TTF2: variants seen among roughly 807,000 people sequenced by gnomAD.
TTF2 encodes the protein transcription termination factor 2.
A neutral mutation model predicts 142.4 loss-of-function variants in TTF2; 108 were observed. That is an observed-to-expected ratio of 0.76 (90% CI 0.65 to 0.89). TTF2 has a LOEUF of 0.89. Among genes scored for constraint, TTF2 ranks in the 40% least tolerant of loss-of-function variants. TTF2 has a pLI of 0.00. For synonymous variants in TTF2, 483 were observed against 506.2 expected, an observed-to-expected ratio of 0.95 and a Z score of 0.61; for missense variants, 1,327 against 1,379.8, an observed-to-expected ratio of 0.96 and a Z score of 0.61.
intron 18 of TTF2, chr1:117,094,538 C>G: frequency 2.2e-6 from 1 of 462,602 alleles, no homozygotes; most frequent in Non-Finnish European, 4.4e-6. Context: ...GGAGCCTGTT[C>G]GGAAGCTTTA....
Position 117,076,565 on chromosome 1 carries a change from A to C in TTF2, c.1391-76A>C. 7.2e-7 allele frequency: 1 copy of C among 1,398,182 alleles called. No homozygotes were observed. Among genetic ancestry groups the C allele is most frequent in the Non-Finnish European group, 9.8e-7 (1 of 1,021,518 alleles). 86.6% of individuals were successfully genotyped at this position (1,398,182 alleles called of 1,614,324 possible). ...GAATGGTGATGATCCCTCTCTCTTGACCTCACCTCCACACATATGGTCCCT... is the reference window on the plus strand; with the variant it reads ...GAATGGTGATGATCCCTCTCTCTTGCCCTCACCTCCACACATATGGTCCCT... On this transcript the variant is annotated intron_variant, in intron 6 of 22. Transcript: ENST00000369466. This position sits in a 1 kb window ranked among gnomAD's most constrained non-coding sequence, Gnocchi z 4.6.
chr1:117,065,331 G>T (rs1655999509), intron 3 of TTF2, among the ~76,000 whole-genome samples: 1 of 152,194 alleles, frequency 6.6e-6, no homozygotes. Flanking sequence ...AAAAATGTCA[G>T]CTGGGCGCGG....
rs534659038 is a variant in TTF2 at position 117,105,847 on chromosome 1, G to A, written c.*4323G>A. ...CTCTATCAATCCTGTGAGTGATTTA[G>A]CATGGCAATTCATGAACACTGAGTT... On this transcript the variant is annotated 3_prime_UTR_variant, in exon 23 of 23. Transcript: ENST00000369466. The surrounding 1 kb of genome is among the most constrained non-coding windows in gnomAD (Gnocchi z 4.7). The A allele has an allele frequency of 6.6e-6, 1 of 152,300 alleles. No homozygotes were observed. Among genetic ancestry groups the A allele is most frequent in the South Asian group, 2.1e-4 (1 of 4,818 alleles). The allele number at this position is 152,300 out of a possible 1,614,324, so 9.4% of individuals were successfully genotyped here. A position where few individuals can be genotyped will look rare whatever the true frequency, so the allele number is the denominator to read the frequency against.
At chr1:117,095,447 G>A in intron 19 of TTF2, 80 bp downstream of exon 19, 3 of 1,327,576 alleles carry the variant, frequency 2.3e-6, no homozygotes, top group Non-Finnish European at 3.3e-6. Context: ...TATAAATCAA[G>A]GACTGTGAGT....
chr1:117,101,414 T>G lies in TTF2; in HGVS notation c.3379T>G (p.Leu1127Val), dbSNP rs1334021207. ...TGAGGGAACAGTAGAAGAAAAGATC[T>G]TACAGCTCCAAGAAAAAAAGAAAGA... ...VCEGTVEEKI[L>V]QLQEKKKDLA... is the part of the protein sequence containing the mutation. Residue 1127 changes from leucine (L) to valine (V), a missense_variant, in exon 23 of 23, where the codon TTA becomes GTA. Coordinates refer to ENST00000369466, the MANE Select transcript of TTF2 (RefSeq NM_003594.4). This position sits in a 1 kb window ranked among gnomAD's most constrained non-coding sequence, Gnocchi z 5.9. The G allele has an allele frequency of 5.0e-6, 8 of 1,605,884 alleles. No homozygotes were observed. In the East Asian group the frequency reaches 1.8e-4, roughly 36 times the overall value.
Position 117,075,999 on chromosome 1 carries a change from C to G in TTF2, c.1275+140C>G. ...GCATGTTCAGTTTCTGCCTTTTCCC[C>G]TATTTATATTTTCAAGATTGGTAAG... On this transcript the variant is annotated intron_variant, in intron 5 of 22. Coordinates refer to ENST00000369466, the MANE Select transcript of TTF2 (RefSeq NM_003594.4). This position sits in a 1 kb window ranked among gnomAD's most constrained non-coding sequence, Gnocchi z 4.5. The G allele has an allele frequency of 7.3e-7, 1 of 1,370,400 alleles. No homozygotes were observed. Among genetic ancestry groups the G allele is most frequent in the Non-Finnish European group, 9.7e-7 (1 of 1,029,586 alleles). The allele number at this position is 1,370,400 out of a possible 1,614,324, so 84.9% of individuals were successfully genotyped here. A position where few individuals can be genotyped will look rare whatever the true frequency, so the allele number is the denominator to read the frequency against.
rs1164151533 is a variant in TTF2, at chr1:117,093,934, G to A, written c.2976+1033G>A. 2.6e-5 allele frequency among the ~76,000 whole-genome samples: 4 copies of A among 152,174 alleles called. No homozygotes were observed. Among genetic ancestry groups the A allele is most frequent in the Non-Finnish European group, 5.9e-5 (4 of 68,026 alleles). On this transcript the variant is annotated intron_variant, in intron 18 of 22. Coordinates refer to ENST00000369466, the MANE Select transcript of TTF2 (RefSeq NM_003594.4). The surrounding 1 kb of genome is among the most constrained non-coding windows in gnomAD (Gnocchi z 4.5). ...CCCCGGCTCGTGGGCCATAAATCCA[G>A]CCCTCCTGCTGCAGTTTTCTCAAAA...
In TTF2 at chr1:117,075,766, G is replaced by A. The variant is rs1355435437; in HGVS notation, c.1182G>A (p.Lys394=). ...TCCCTGATCGAAGTGTGCAAAGAAA[G>A]GTGTCTCCTGCCTCAGGTGTTTCCA... The part of the protein sequence containing the change: ...LQFPDRSVQR[K]VSPASGVSKK... The change falls in exon 5 of 23, where the codon AAG becomes AAA. Residue 394 remains lysine, a synonymous_variant. Transcript: ENST00000369466. The surrounding 1 kb of genome is among the most constrained non-coding windows in gnomAD (Gnocchi z 4.5). 7 of 1,614,098 alleles carry A rather than the reference G, an allele frequency of 4.3e-6. No individual in the cohort carries two copies. Among genetic ancestry groups the A allele is most frequent in the Non-Finnish European group, 5.9e-6 (7 of 1,180,040 alleles).
In TTF2 at chr1:117,078,204, A is replaced by T. The variant is rs145330297; in HGVS notation, c.1701+161A>T. Among the ~76,000 whole-genome samples the T allele has an allele frequency of 4.0e-3, 614 of 152,350 alleles. 2 individuals carry two copies. The highest frequency in any genetic ancestry group is 5.1e-3 in the Non-Finnish European group (347 of 68,032). On this transcript the variant is annotated intron_variant, in intron 8 of 22. Transcript: ENST00000369466. Reference sequence around the variant, plus strand: ...TCCTTTTATGCTTAACAGTGCAAACAATAACAACAAAACCCCTTTTTTAAA... The same window carrying T: ...TCCTTTTATGCTTAACAGTGCAAACTATAACAACAAAACCCCTTTTTTAAA...
At chr1:117,095,115 G>A (rs1345019046) in intron 18 of TTF2, among the ~76,000 whole-genome samples, 194 bp from the exon 19 acceptor site, 6 of 152,204 alleles carry the variant, frequency 3.9e-5, no homozygotes, top group African/African-American at 1.4e-4. Context: ...CTATGGAAGG[G>A]CTTTAGCCAG....
chr1:117,062,354 T>G, intron 2 of TTF2, 33 bp from the exon 3 acceptor site: 1 of 1,596,394 alleles, frequency 6.3e-7, no homozygotes. Context: ...GTTCCTGACC[T>G]AAAAATGTTT....
Position 117,093,109 on chromosome 1 carries a change from G to C in TTF2, c.2976+208G>C, listed in dbSNP as rs916966957. 6.6e-6 allele frequency among the ~76,000 whole-genome samples: 1 copy of C among 152,188 alleles called. No homozygotes were observed. The highest frequency in any genetic ancestry group is 2.4e-5 in the African/African-American group (1 of 41,432). On this transcript the variant is annotated intron_variant, in intron 18 of 22. Coordinates refer to ENST00000369466, the MANE Select transcript of TTF2 (RefSeq NM_003594.4). This position sits in a 1 kb window ranked among gnomAD's most constrained non-coding sequence, Gnocchi z 4.5. ...AAAGCCTTACTACATAGGGGACTTT[G>C]AGAGAGTAATTTGGGACAACCCCAG...
Position 117,096,342 on chromosome 1 carries a change from A to G in TTF2, c.3186+43A>G, listed in dbSNP as rs749918486. 5 of 1,587,920 alleles carry G rather than the reference A, an allele frequency of 3.1e-6. No individual in the cohort carries two copies. The African/African-American group carries it at 6.8e-5, about 22-fold the overall frequency. ...CAGAGCCGCATAATTAACTGTTCTG[A>G]GTTATACAAAGAGAATTCTTTTTGT... is the stretch of plus-strand genomic sequence containing the variant. On this transcript the variant is annotated intron_variant, in intron 20 of 22. Transcript: ENST00000369466.
chr1:117,072,644 C>T (rs191050768), intron 3 of TTF2, among the ~76,000 whole-genome samples: 122 of 152,116 alleles, frequency 8.0e-4, no homozygotes, highest in African/African-American at 2.8e-3. Context: ...AGGATGGTCT[C>T]GATCTCTTGA....
At chr1:117,095,157 A>G in intron 18 of TTF2, 152 bp from the exon 19 acceptor site, 1 of 671,068 alleles carries the variant, frequency 1.5e-6, no homozygotes, top group South Asian at 1.9e-5. Flanking sequence ...CATTTTAGAA[A>G]GAGCTTTCTG....
In TTF2 at chr1:117,090,458, G is replaced by C; in HGVS notation, c.2497-74G>C. Reference sequence around the variant, plus strand: ...AGGGTTGACTAGATATGCAGTGTCAGTATGGGGAATTTGTTCTATAATAGG... The same window carrying C: ...AGGGTTGACTAGATATGCAGTGTCACTATGGGGAATTTGTTCTATAATAGG... On this transcript the variant is annotated intron_variant, in intron 14 of 22. Transcript: ENST00000369466. This position sits in a 1 kb window ranked among gnomAD's most constrained non-coding sequence, Gnocchi z 4.8. The C allele has an allele frequency of 2.1e-6, 3 of 1,402,428 alleles. No individual in the cohort carries two copies. Among genetic ancestry groups the C allele is most frequent in the Non-Finnish European group, 3.0e-6 (3 of 1,000,372 alleles). The allele number at this position is 1,402,428 out of a possible 1,614,324, so 86.9% of individuals were successfully genotyped here.
chr1:117,094,116 T>A (rs1296272980), intron 18 of TTF2, among the ~76,000 whole-genome samples: 2 of 152,232 alleles, frequency 1.3e-5, no homozygotes, highest in Non-Finnish European at 2.9e-5. Flanking sequence ...GTTCTGTGAC[T>A]CACTTCCTGC....
In TTF2 at chr1:117,086,372, T is replaced by C. The variant is rs567152022; in HGVS notation, c.2055-45T>C. ...TCAACTCTGCCTCTCTCATTGTCCCTCTATAGTGGGACCATTTATTGATTT... is the reference window on the plus strand; with the variant it reads ...TCAACTCTGCCTCTCTCATTGTCCCCCTATAGTGGGACCATTTATTGATTT... On this transcript the variant is annotated intron_variant, in intron 11 of 22. Transcript: ENST00000369466. The surrounding 1 kb of genome is among the most constrained non-coding windows in gnomAD (Gnocchi z 4.2). 1.1e-5 allele frequency: 15 copies of C among 1,396,012 alleles called. No individual in the cohort carries two copies. Among genetic ancestry groups the C allele is most frequent in the Non-Finnish European group, 1.5e-5 (15 of 982,734 alleles). 86.5% of individuals were successfully genotyped at this position (1,396,012 alleles called of 1,614,324 possible).
rs968666310 is a variant in TTF2, at chr1:117,093,022, A to T, written c.2976+121A>T. 1 of 1,107,338 alleles carries T rather than the reference A, an allele frequency of 9.0e-7. No individual in the cohort carries two copies. The highest frequency in any genetic ancestry group is 1.3e-6 in the Non-Finnish European group (1 of 771,990). The allele number at this position is 1,107,338 out of a possible 1,614,324, so 68.6% of individuals were successfully genotyped here. A position where few individuals can be genotyped will look rare whatever the true frequency, so the allele number is the denominator to read the frequency against. On this transcript the variant is annotated intron_variant, in intron 18 of 22. Transcript: ENST00000369466. This position sits in a 1 kb window ranked among gnomAD's most constrained non-coding sequence, Gnocchi z 4.5. ...TTTGCCAGCAGAGCTAGAGCCGTTA[A>T]ATTCTAGCTGATCAGATTCTCCCTC... is the stretch of plus-strand genomic sequence containing the variant.
Sources: gnomAD v4.1 joint callset for allele counts (sites outside exome capture counted in the v4.1 genomes callset) on GRCh38, gnomAD v4.1.1 for gene constraint, Gnocchi (gnomAD v3.1) non-coding constraint, MANE v1.5 for transcripts, NCBI Gene and HGNC (gene_info 2026-07-23, HGNC 2026-07-21) for gene names.